RAB2A: variants seen among roughly 807,000 people sequenced by gnomAD.
RAB2A encodes RAB2A, member RAS oncogene family, also known as ras-related protein Rab-2A.
RAB2A carries 7 observed loss-of-function variants against 32.5 expected under a neutral mutation model. The observed-to-expected ratio is 0.22, with a 90% confidence interval of 0.12 to 0.40. RAB2A has a LOEUF of 0.40. Ranked by LOEUF, RAB2A falls within the 10% of genes least tolerant of loss-of-function variation. The pLI is 1.00. For synonymous variants in RAB2A, 79 were observed against 85.2 expected (o/e 0.93, Z 0.40); for missense variants, 108 against 260.7 (o/e 0.41, Z 4.03).
chr8:60,531,528 G>C (rs747785938), intron 1 of RAB2A, among the ~76,000 whole-genome samples: 18 of 152,162 alleles, frequency 1.2e-4, no homozygotes, highest in Non-Finnish European at 1.9e-4. Context: ...TAATACCTTA[G>C]AGATAATGTT....
chr8:60,556,958 C>T (rs938905036), intron 1 of RAB2A, among the ~76,000 whole-genome samples: 1 of 152,148 alleles, frequency 6.6e-6, no homozygotes, highest in Admixed American at 6.5e-5. Flanking sequence ...TGAACTTTCA[C>T]ACCTTTTAAA....
intron 6 of RAB2A, among the ~76,000 whole-genome samples, chr8:60,598,461 T>A (rs1413918165): frequency 6.6e-6 from 1 of 152,126 alleles, no homozygotes; most frequent in East Asian, 1.9e-4. Context: ...TACAAACCAA[T>A]AGCCTTTATA....
intron 6 of RAB2A, 55 bp downstream of exon 6, chr8:60,592,024 T>C (rs1364705876): frequency 1.5e-5 from 16 of 1,042,410 alleles, no homozygotes; most frequent in Non-Finnish European, 2.3e-5. Flanking sequence ...AAATGTTTTA[T>C]ATATCTTCAT....
At chr8:60,533,356 A>G (rs1421610341) in intron 1 of RAB2A, among the ~76,000 whole-genome samples, 1 of 152,228 alleles carries the variant, frequency 6.6e-6, no homozygotes. Context: ...TAATGCTGAT[A>G]TGAAGGCTAT....
intron 6 of RAB2A, among the ~76,000 whole-genome samples, chr8:60,614,725 A>G (rs1312423182): frequency 6.6e-6 from 1 of 152,222 alleles, no homozygotes; most frequent in African/African-American, 2.4e-5. Context: ...TTTAGGTATT[A>G]TCAGTATCAT....
intron 6 of RAB2A, among the ~76,000 whole-genome samples, chr8:60,592,374 G>A (rs922520367): frequency 1.3e-5 from 2 of 152,140 alleles, no homozygotes; most frequent in African/African-American, 4.8e-5. Context: ...ATAAGGTATT[G>A]GACTTCTTCG....
chr8:60,599,910 A>C (rs377628498), intron 6 of RAB2A, among the ~76,000 whole-genome samples: 1 of 152,214 alleles, frequency 6.6e-6, no homozygotes, highest in Non-Finnish European at 1.5e-5. Flanking sequence ...GTGATAAATT[A>C]GCTTTCAAAA....
chr8:60,601,528 A>G (rs1804135094), intron 6 of RAB2A, among the ~76,000 whole-genome samples: 1 of 152,104 alleles, frequency 6.6e-6, no homozygotes, highest in African/African-American at 2.4e-5. Context: ...AGTAGAAACA[A>G]GGTTTCACTA....
At chr8:60,590,429 G>A (rs1803921151) in intron 5 of RAB2A, among the ~76,000 whole-genome samples, 1 of 150,508 alleles carries the variant, frequency 6.6e-6, no homozygotes, top group South Asian at 2.1e-4. Flanking sequence ...CTTGAGTCCT[G>A]GAGTTCAAGA....
intron 1 of RAB2A, among the ~76,000 whole-genome samples, chr8:60,544,620 TC>T (rs1206562827): frequency 2.1e-5 from 3 of 142,094 alleles, no homozygotes; most frequent in Non-Finnish European, 4.5e-5. Context: ...GTCTTTAAAC[TC>T]CTTGCCTCAA....
In RAB2A at chr8:60,545,376, C is replaced by T. The variant is rs755508310; in HGVS notation, c.47-13476C>T. Among the ~76,000 whole-genome samples the T allele has an allele frequency of 6.6e-5, 10 of 152,172 alleles. 1 individual carries two copies. Among genetic ancestry groups the T allele is most frequent in the Middle Eastern group, 6.8e-3 (2 of 294 alleles). On this transcript the variant is annotated intron_variant, in intron 1 of 7. Transcript: ENST00000262646. ...CTGTAGTGCAGTGGGACGATAACAT[C>T]TCAGCCTCCTGAACTCAGGTGATCC...
intron 5 of RAB2A, among the ~76,000 whole-genome samples, chr8:60,590,526 C>A (rs1364481620): frequency 7.0e-6 from 1 of 143,590 alleles, no homozygotes; most frequent in Non-Finnish European, 1.5e-5. Context: ...CGTGTATACA[C>A]AAATATATAT....
chr8:60,540,942 A>G (rs142878770), intron 1 of RAB2A, among the ~76,000 whole-genome samples: 2 of 152,338 alleles, frequency 1.3e-5, no homozygotes, highest in African/African-American at 2.4e-5. Flanking sequence ...CAACTCTTCT[A>G]GTGTGGGCTG....
chr8:60,571,042 A>G (rs2130839662), intron 2 of RAB2A, among the ~76,000 whole-genome samples: 1 of 152,320 alleles, frequency 6.6e-6, no homozygotes, highest in South Asian at 2.1e-4. Context: ...TAAGAGATAT[A>G]CTACTTTCAG....
At chr8:60,525,759 G>C (rs1382895442) in intron 1 of RAB2A, among the ~76,000 whole-genome samples, 1 of 151,932 alleles carries the variant, frequency 6.6e-6, no homozygotes. Flanking sequence ...ATGGTGCCTG[G>C]TACAGAGTTA....
intron 3 of RAB2A, among the ~76,000 whole-genome samples, chr8:60,579,206 C>G (rs1164344257): frequency 1.3e-5 from 2 of 152,138 alleles, no homozygotes; most frequent in Admixed American, 6.5e-5. Context: ...CCACACCTGG[C>G]TAATTTTTGT....
At chr8:60,559,999 G>A (rs897145127) in intron 2 of RAB2A, among the ~76,000 whole-genome samples, 1 of 152,138 alleles carries the variant, frequency 6.6e-6, no homozygotes, top group Non-Finnish European at 1.5e-5. Flanking sequence ...AAGACTATCC[G>A]TATTCTATTT....
chr8:60,623,157 T>G lies in RAB2A; in HGVS notation c.*2388T>G, dbSNP rs1256214839. 1.3e-5 allele frequency: 2 copies of G among 152,204 alleles called. No individual in the cohort carries two copies. The highest frequency in any genetic ancestry group is 2.9e-5 in the Non-Finnish European group (2 of 68,026). The allele number at this position is 152,204 out of a possible 1,614,324, so 9.4% of individuals were successfully genotyped here. A position where few individuals can be genotyped will look rare whatever the true frequency, so the allele number is the denominator to read the frequency against. On this transcript the variant is annotated 3_prime_UTR_variant, in exon 8 of 8. Coordinates refer to ENST00000262646, the MANE Select transcript of RAB2A (RefSeq NM_002865.3). ...ATTGTTACCATTCGTCTTGCAAATTTAAGACAACTGAATGAAAAGCCAATT... is the reference window on the plus strand; with the variant it reads ...ATTGTTACCATTCGTCTTGCAAATTGAAGACAACTGAATGAAAAGCCAATT...
chr8:60,567,312 T>G (rs1586087168), intron 2 of RAB2A, among the ~76,000 whole-genome samples: 1 of 152,122 alleles, frequency 6.6e-6, no homozygotes, highest in East Asian at 1.9e-4. Context: ...GACAGGGTTT[T>G]ACCATGTTGA....
Sources: allele counts gnomAD v4.1 joint callset (sites outside exome capture counted in the v4.1 genomes callset), GRCh38; gene constraint gnomAD v4.1.1; transcripts MANE v1.5; gene names NCBI Gene and HGNC (gene_info 2026-07-23, HGNC 2026-07-21).